The following EML1 variants were observed in gnomAD, a reference collection of about 807,000 sequenced individuals.
EML1 encodes EMAP like 1, also known as echinoderm microtubule-associated protein-like 1.
In EML1, 27 loss-of-function variants were observed where a neutral mutation model predicts 110.4. That is an observed-to-expected ratio of 0.24 (90% CI 0.18 to 0.34). The LOEUF is 0.34. Among genes scored for constraint, EML1 ranks in the 10% least tolerant of loss-of-function variants. The pLI is 1.00. For missense variants in EML1, 741 were observed against 1,030.9 expected (o/e 0.72, Z 3.85); for synonymous variants, 344 against 385.8 (o/e 0.89, Z 1.27).
chr14:99,769,091 T>A (rs2057396314), upstream of EML1, among the ~76,000 whole-genome samples: 1 of 152,120 alleles, frequency 6.6e-6, no homozygotes, highest in South Asian at 2.1e-4. Flanking sequence ...GTGGTTTCGA[T>A]GTGGGTTTGA....
intron 3 of EML1, among the ~76,000 whole-genome samples, chr14:99,870,341 A>C (rs1375522819): frequency 6.6e-6 from 1 of 152,226 alleles, no homozygotes; most frequent in East Asian, 1.9e-4. Flanking sequence ...AGGTTGGCTC[A>C]TGAGGTTTAA....
intron 1 of EML1, among the ~76,000 whole-genome samples, chr14:99,830,699 C>T (rs2058435925): frequency 6.6e-6 from 1 of 151,964 alleles, no homozygotes; most frequent in East Asian, 1.9e-4. Context: ...TACAGGCACC[C>T]ACCACCGCCC....
rs535471282 is a variant in EML1 at position 99,848,036 on chromosome 14, A to G, written c.68-2817A>G. On this transcript the variant is annotated intron_variant, in intron 1 of 21. Coordinates refer to ENST00000262233, the MANE Select transcript of EML1 (RefSeq NM_004434.3). ...TAACATGTAATAGAATTATTGCTAT[A>G]TTGGGTTTGAGTTTAGCATTTTATT... Among the ~76,000 whole-genome samples the G allele has an allele frequency of 6.4e-4, 97 of 152,218 alleles. 1 individual carries two copies. The highest frequency in any genetic ancestry group is 2.3e-3 in the African/African-American group (96 of 41,554).
intron 16 of EML1, among the ~76,000 whole-genome samples, chr14:99,918,344 C>T (rs575786971): frequency 1.3e-5 from 2 of 152,298 alleles, no homozygotes; most frequent in African/African-American, 4.8e-5. Flanking sequence ...AGTCCTCCCA[C>T]CTCGGTCTCC....
intron 10 of EML1, 73 bp downstream of exon 10, chr14:99,907,806 C>G (rs2059878749): frequency 1.4e-6 from 2 of 1,464,654 alleles, no homozygotes; most frequent in Non-Finnish European, 9.5e-7. Context: ...AGTGGTAGCC[C>G]CCTTTCAGCG....
At chr14:99,752,474 A>G (rs1232250922) in intron 1 of EML1, among the ~76,000 whole-genome samples, 1 of 152,234 alleles carries the variant, frequency 6.6e-6, no homozygotes, top group Non-Finnish European at 1.5e-5. Flanking sequence ...TTGGCAGCTA[A>G]GGAATCTCCC....
At chr14:99,778,413 A>G (rs1262725611) in intron 1 of EML1, among the ~76,000 whole-genome samples, 1 of 151,964 alleles carries the variant, frequency 6.6e-6, no homozygotes, top group Non-Finnish European at 1.5e-5. Flanking sequence ...TCTGCCTTAT[A>G]TGTAAATCTT....
intron 1 of EML1, among the ~76,000 whole-genome samples, chr14:99,796,586 G>A (rs964754188): frequency 6.6e-6 from 1 of 151,122 alleles, no homozygotes; most frequent in African/African-American, 2.4e-5. Flanking sequence ...CAAACTCCTG[G>A]GGCTCAAGCA....
chr14:99,880,186 T>C (rs2059361574), intron 4 of EML1, among the ~76,000 whole-genome samples: 5 of 152,186 alleles, frequency 3.3e-5, no homozygotes. Context: ...CCAGGCGTGG[T>C]TGAGGCGAGC....
At chr14:99,755,717 T>C (rs1041674375) in intron 1 of EML1, among the ~76,000 whole-genome samples, 2 of 152,106 alleles carry the variant, frequency 1.3e-5, no homozygotes, top group Non-Finnish European at 2.9e-5. Context: ...CAATTCTAAT[T>C]CACACAGATG....
At chr14:99,892,262 T>C (rs1362027413) in intron 5 of EML1, 23 of 936,792 alleles carry the variant, frequency 2.5e-5, no homozygotes, top group Non-Finnish European at 2.9e-5. Context: ...CAGAAACCTT[T>C]TTCATACAGG....
In EML1 at chr14:99,781,661, C is replaced by A. The variant is rs553500354; in HGVS notation, c.-27+7648C>A. 6.6e-6 allele frequency among the ~76,000 whole-genome samples: 1 copy of A among 152,322 alleles called. No individual in the cohort carries two copies. The highest frequency in any genetic ancestry group is 2.4e-5 in the African/African-American group (1 of 41,572). On this transcript the variant is annotated intron_variant, in intron 1 of 22. Transcript: ENST00000327921. The surrounding 1 kb of genome is among the most constrained non-coding windows in gnomAD (Gnocchi z 4.2). ...CTAATTCTGTGGCTTCCAAGGGGCT[C>A]CCATTGCCCATAGACTAAGCCCAGC...
At chr14:99,742,244 G>A (rs1051086660) in intron 1 of EML1, among the ~76,000 whole-genome samples, 1 of 152,216 alleles carries the variant, frequency 6.6e-6, no homozygotes, top group African/African-American at 2.4e-5. Context: ...GAGTCCCTGA[G>A]GAGCAAGAGG....
At chr14:99,935,990 T>C (rs760384303) in intron 17 of EML1, 39 bp from the exon 18 acceptor site, 6 of 850,212 alleles carry the variant, frequency 7.1e-6, no homozygotes, top group South Asian at 4.9e-5. Context: ...AAAATGTGTA[T>C]TGTTAACATC....
At chr14:99,874,957 A>G (rs2059265157) in intron 3 of EML1, 2 of 1,613,652 alleles carry the variant, frequency 1.2e-6, no homozygotes, top group South Asian at 1.1e-5. Context: ...AGTCTTCTCA[A>G]TGCTTGCAAA....
At chr14:99,802,751 C>T (rs572171110) in intron 1 of EML1, among the ~76,000 whole-genome samples, 10 of 151,986 alleles carry the variant, frequency 6.6e-5, no homozygotes, top group African/African-American at 2.2e-4. Context: ...GTCTGGAGCC[C>T]GGGAGATGGC....
chr14:99,933,238 C>T (rs568266359), intron 17 of EML1, among the ~76,000 whole-genome samples: 1 of 152,274 alleles, frequency 6.6e-6, no homozygotes, highest in South Asian at 2.1e-4. Context: ...TGCAGTGGCG[C>T]AATCTCGGCT....
At chr14:99,884,482 A>C (rs2059441788) in intron 4 of EML1, among the ~76,000 whole-genome samples, 1 of 152,204 alleles carries the variant, frequency 6.6e-6, no homozygotes, top group Non-Finnish European at 1.5e-5. Flanking sequence ...TGTCAGTGGC[A>C]CAATGCCTGC....
chr14:99,845,199 A>G (rs2139814364), intron 1 of EML1, among the ~76,000 whole-genome samples: 1 of 152,248 alleles, frequency 6.6e-6, no homozygotes, highest in East Asian at 1.9e-4. Context: ...TTTACTTTTA[A>G]CCATCCTAAT....
Sources: gnomAD v4.1 joint callset for allele counts (sites outside exome capture counted in the v4.1 genomes callset) on GRCh38, gnomAD v4.1.1 for gene constraint, Gnocchi (gnomAD v3.1) non-coding constraint, MANE v1.5 for transcripts, NCBI Gene and HGNC (gene_info 2026-07-23, HGNC 2026-07-21) for gene names.